The following ZC3H12B variants were observed in gnomAD, a reference collection of about 807,000 sequenced individuals.
ZC3H12B encodes the protein zinc finger CCCH-type containing 12B.
A neutral mutation model predicts 43.9 loss-of-function variants in ZC3H12B; 7 were observed. The observed-to-expected ratio is 0.16, with a 90% CI of 0.09 to 0.30. ZC3H12B has a LOEUF of 0.30. Ranked by LOEUF, ZC3H12B falls within the 10% of genes least tolerant of loss-of-function variation. ZC3H12B has a pLI of 1.00. For missense variants in ZC3H12B, 475 were observed against 670.2 expected (o/e 0.71, Z 3.22); for synonymous variants, 222 against 241.7 (o/e 0.92, Z 0.76).
chrX:65,089,313 C>T, the ZC3H12B span, among the ~76,000 whole-genome samples: 2 of 111,810 alleles, frequency 1.8e-5, no homozygotes, highest in Admixed American at 1.9e-4. Context: ...ACCTGTACAG[C>T]ATGTTACTGT....
At chrX:65,044,208 C>A in the ZC3H12B span, among the ~76,000 whole-genome samples, 1 of 111,562 alleles carries the variant, frequency 9.0e-6, no homozygotes, top group South Asian at 3.8e-4. Context: ...TAAGCAAAGA[C>A]CTGAATGAAG....
At chrX:65,262,410 A>C in the ZC3H12B span, among the ~76,000 whole-genome samples, 25,612 of 110,336 alleles carry the variant, frequency 0.23, 7,157 homozygotes, top group African/African-American at 0.8. Context: ...CAGCCTCTGG[A>C]AGACTAGTTA....
At chrX:65,341,405 C>A in the ZC3H12B span, among the ~76,000 whole-genome samples, 2 of 111,425 alleles carry the variant, frequency 1.8e-5, no homozygotes, top group African/African-American at 6.5e-5. Context: ...AGACATATAA[C>A]CATCAGATTT....
chrX:65,115,778 T>C, the ZC3H12B span, among the ~76,000 whole-genome samples: 1 of 111,979 alleles, frequency 8.9e-6, no homozygotes, highest in Non-Finnish European at 1.9e-5. Flanking sequence ...CACATTGTGA[T>C]TTCGATTTGC....
At chrX:65,157,100 G>C in the ZC3H12B span, among the ~76,000 whole-genome samples, 1 of 110,912 alleles carries the variant, frequency 9.0e-6, no homozygotes, top group Admixed American at 9.7e-5. Flanking sequence ...TCCTACCTCA[G>C]CCTCCCAAGT....
At chrX:65,284,355 C>T in the ZC3H12B span, among the ~76,000 whole-genome samples, 1 of 110,328 alleles carries the variant, frequency 9.1e-6, no homozygotes, top group Non-Finnish European at 1.9e-5. Context: ...TTTTGGAATC[C>T]CAGATAAGGA....
intron 3 of ZC3H12B, among the ~76,000 whole-genome samples, chrX:65,471,857 T>A (rs958144352): frequency 8.9e-6 from 1 of 111,912 alleles, no homozygotes; most frequent in Non-Finnish European, 1.9e-5. Flanking sequence ...TTCGTCATTA[T>A]GAGGATTGTT....
At chrX:65,469,743 G>A in intron 3 of ZC3H12B, 1 of 120,849 alleles carries the variant, frequency 8.3e-6, no homozygotes, top group Non-Finnish European at 1.7e-5. Context: ...GGCCGAGGCA[G>A]GTGGATCACT....
chrX:65,089,100 A>AC, the ZC3H12B span, among the ~76,000 whole-genome samples: 1 of 111,850 alleles, frequency 8.9e-6, no homozygotes, highest in Non-Finnish European at 1.9e-5. Flanking sequence ...GAAATGCATC[A>AC]GTTTTTCATT....
chrX:65,319,427 A>T, the ZC3H12B span, among the ~76,000 whole-genome samples: 1 of 108,634 alleles, frequency 9.2e-6, no homozygotes, highest in African/African-American at 3.6e-5. Flanking sequence ...TTGAATTGGT[A>T]ATAAAAAAGC....
chrX:65,285,688 T>C, the ZC3H12B span, among the ~76,000 whole-genome samples: 6 of 111,755 alleles, frequency 5.4e-5, no homozygotes, highest in Non-Finnish European at 1.1e-4. Context: ...ACACTAGTAC[T>C]ACAACAGATG....
the ZC3H12B span, among the ~76,000 whole-genome samples, chrX:65,243,593 A>G: frequency 8.9e-6 from 1 of 111,970 alleles, no homozygotes; most frequent in African/African-American, 3.2e-5. Flanking sequence ...TAGAATTATC[A>G]TATCATTCAG....
chrX:65,285,867 A>G, the ZC3H12B span, among the ~76,000 whole-genome samples: 57 of 111,829 alleles, frequency 5.1e-4, no homozygotes, highest in Non-Finnish European at 7.9e-4. Context: ...GAGAAAAAGA[A>G]AGGAACACAG....
At chrX:65,343,072 T>C in the ZC3H12B span, among the ~76,000 whole-genome samples, 1 of 110,542 alleles carries the variant, frequency 9.0e-6, no homozygotes, top group East Asian at 2.8e-4. Flanking sequence ...CTAGAAAAAA[T>C]GGATAAATTC....
At chrX:65,378,920 C>T (rs2066390712) in intron 2 of ZC3H12B, among the ~76,000 whole-genome samples, 1 of 112,487 alleles carries the variant, frequency 8.9e-6, no homozygotes, top group Non-Finnish European at 1.9e-5. Context: ...AATGGCGCAC[C>T]AGGAGATTAT....
the ZC3H12B span, among the ~76,000 whole-genome samples, chrX:65,047,948 A>T: frequency 2.7e-5 from 3 of 110,770 alleles, no homozygotes; most frequent in African/African-American, 9.8e-5. Context: ...CATGGTATCT[A>T]CCCTCTTAAG....
chrX:65,180,786 A>G, the ZC3H12B span, among the ~76,000 whole-genome samples: 1 of 109,310 alleles, frequency 9.1e-6, no homozygotes, highest in Non-Finnish European at 1.9e-5. Flanking sequence ...GTTGAAAAAA[A>G]ATTTAGGAAG....
chrX:65,105,295 C>G, the ZC3H12B span, among the ~76,000 whole-genome samples: 1 of 111,042 alleles, frequency 9.0e-6, no homozygotes, highest in African/African-American at 3.3e-5. Flanking sequence ...GGACAAATAT[C>G]TAGTGCATGT....
chrX:65,415,514 C>T (rs964812489), intron 3 of ZC3H12B, among the ~76,000 whole-genome samples: 2 of 112,226 alleles, frequency 1.8e-5, no homozygotes, highest in African/African-American at 6.5e-5. Flanking sequence ...TGTCTTATTG[C>T]TACAAACAGT....
Sources: allele counts gnomAD v4.1 joint callset (sites outside exome capture counted in the v4.1 genomes callset), GRCh38; gene constraint gnomAD v4.1.1; transcripts MANE v1.5; gene names NCBI Gene and HGNC (gene_info 2026-07-23, HGNC 2026-07-21).